Variants in GARNL3 observed in about 807,000 individuals in gnomAD.
The protein encoded by GARNL3 is GTPase activating Rap/RanGAP domain like 3.
GARNL3 carries 63 observed loss-of-function variants against 125.0 expected under a neutral mutation model. The ratio of observed to expected loss-of-function variants is 0.50; its 90% CI spans 0.41 to 0.62. The LOEUF is 0.62. Ranked by LOEUF, GARNL3 falls within the 20% of genes least tolerant of loss-of-function variation. The pLI is 0.00. For missense variants in GARNL3, 994 were observed against 1,244.0 expected (o/e 0.80, Z 3.02); for synonymous variants, 439 against 457.5 (o/e 0.96, Z 0.52).
Position 127,344,316 on chromosome 9 carries a change from G to C in GARNL3, c.1333G>C (p.Ala445Pro). Reference sequence around the variant, plus strand: ...GCGGAAGAAAGAGGAGGCCCGCCAGGCGGAGTTTGTTAGAATAGGGCAGGT... The same window carrying C: ...GCGGAAGAAAGAGGAGGCCCGCCAGCCGGAGTTTGTTAGAATAGGGCAGGT... ...SARKKEEARQ[A>P]EFVRIGQALK... is the part of the protein sequence containing the mutation. The change falls in exon 15 of 28, where the codon GCG becomes CCG. Residue 445 changes from alanine to proline, a missense_variant. Around this residue, in one of 5 missense-constraint regions of GARNL3, gnomAD observed 728 missense variants for 865.7 expected, o/e 0.84. Transcript: ENST00000373387. The C allele has an allele frequency of 1.9e-6, 3 of 1,613,860 alleles. No homozygotes were observed. The highest frequency in any genetic ancestry group is 2.5e-6 in the Non-Finnish European group (3 of 1,179,712).
chr9:127,264,392 C>A, upstream of GARNL3: 1 of 434,868 alleles, frequency 2.3e-6, no homozygotes, highest in Non-Finnish European at 3.1e-6. Flanking sequence ...TCTGTTAGTT[C>A]TGGTCTTTTT....
chr9:127,368,172 T>C (rs1157223949), intron 22 of GARNL3, among the ~76,000 whole-genome samples: 2 of 150,132 alleles, frequency 1.3e-5, no homozygotes, highest in African/African-American at 4.9e-5. Context: ...ATCCACAAGG[T>C]TGAAGAGGAG....
chr9:127,330,304 G>A (rs766459349), intron 7 of GARNL3, among the ~76,000 whole-genome samples: 10 of 152,170 alleles, frequency 6.6e-5, no homozygotes, highest in Non-Finnish European at 1.5e-4. Flanking sequence ...CGAAAACAGA[G>A]AAAGAAAAGT....
intron 1 of GARNL3, among the ~76,000 whole-genome samples, chr9:127,232,840 C>T (rs944074834): frequency 3.9e-5 from 6 of 152,098 alleles, no homozygotes; most frequent in Admixed American, 6.5e-5. Flanking sequence ...CTTTCCTCAT[C>T]GAGGCAAAGA....
rs1015030472 is a variant in GARNL3 at position 127,384,560 on chromosome 9, G to A, written c.2270-467G>A. Among the ~76,000 whole-genome samples the A allele has an allele frequency of 6.6e-6, 1 of 151,912 alleles. No homozygotes were observed. On this transcript the variant is annotated intron_variant, in intron 23 of 27. Transcript: ENST00000373387. This position sits in a 1 kb window ranked among gnomAD's most constrained non-coding sequence, Gnocchi z 4.0. ...AATAAGATGCAGCCCCGGCTCAGACGTGCAGCTGGAGGAGCACATGGGAGG... is the reference window on the plus strand; with the variant it reads ...AATAAGATGCAGCCCCGGCTCAGACATGCAGCTGGAGGAGCACATGGGAGG...
chr9:127,319,769 C>T (rs1334599166), intron 5 of GARNL3, among the ~76,000 whole-genome samples: 2 of 152,074 alleles, frequency 1.3e-5, no homozygotes, highest in Non-Finnish European at 2.9e-5. Flanking sequence ...ATTCTTTTTT[C>T]TAAAAAGAAG....
chr9:127,317,324 T>G (rs2065267136), intron 4 of GARNL3, among the ~76,000 whole-genome samples: 1 of 152,218 alleles, frequency 6.6e-6, no homozygotes. Flanking sequence ...TCAGGGGATT[T>G]CTAGTTCAAA....
At chr9:127,281,027 A>G (rs1197676589) in intron 1 of GARNL3, among the ~76,000 whole-genome samples, 1 of 152,160 alleles carries the variant, frequency 6.6e-6, no homozygotes, top group Non-Finnish European at 1.5e-5. Context: ...GAACACAGAA[A>G]AAGAGTGAGA....
intron 19 of GARNL3, among the ~76,000 whole-genome samples, chr9:127,354,814 CAG>C (rs1830601461): frequency 6.6e-6 from 1 of 152,138 alleles, no homozygotes. Context: ...TTCCTTTCGG[CAG>C]AGTCTCACTC....
At chr9:127,245,525 G>C (rs2131181897) in intron 2 of GARNL3, 1 of 152,356 alleles carries the variant, frequency 6.6e-6, no homozygotes, top group Middle Eastern at 3.4e-3. Flanking sequence ...AATGGGTGGA[G>C]TCAGGCCTTG....
At chr9:127,383,048 C>T (rs1162736435) in intron 22 of GARNL3, among the ~76,000 whole-genome samples, 2 of 152,170 alleles carry the variant, frequency 1.3e-5, no homozygotes, top group Admixed American at 1.3e-4. Context: ...GTGTTCAAAC[C>T]CTGCTTCCCC....
chr9:127,302,979 G>A lies in GARNL3; in HGVS notation c.220-8657G>A, dbSNP rs192161079. Among the ~76,000 whole-genome samples the A allele has an allele frequency of 4.5e-4, 69 of 152,132 alleles. 1 individual carries two copies. The East Asian group carries it at 8.1e-3, about 18-fold the overall frequency. On this transcript the variant is annotated intron_variant, in intron 2 of 27. Transcript: ENST00000373387. ...ATCCTGGCTAACATGGTGAAACCCC[G>A]TCTCAACTAAAAATAGAAAAAATTA...
At chr9:127,232,888 C>T (rs1345337407) in intron 1 of GARNL3, among the ~76,000 whole-genome samples, 1 of 152,070 alleles carries the variant, frequency 6.6e-6, no homozygotes, top group East Asian at 1.9e-4. Flanking sequence ...ATGTAGGATC[C>T]CAGCAGAAAT....
At chr9:127,337,283 A>G (rs1438597287) in intron 11 of GARNL3, among the ~76,000 whole-genome samples, 1 of 152,084 alleles carries the variant, frequency 6.6e-6, no homozygotes, top group Non-Finnish European at 1.5e-5. Context: ...CTCCAAATTC[A>G]CAGTAGAAGC....
At chr9:127,230,150 G>A (rs979903867) in intron 1 of GARNL3, among the ~76,000 whole-genome samples, 4 of 152,162 alleles carry the variant, frequency 2.6e-5, no homozygotes, top group Non-Finnish European at 5.9e-5. Flanking sequence ...CAAGGGCTTT[G>A]GAGTGAGACA....
chr9:127,292,767 G>T (rs2064462708), intron 2 of GARNL3, among the ~76,000 whole-genome samples: 1 of 152,330 alleles, frequency 6.6e-6, no homozygotes, highest in South Asian at 2.1e-4. Flanking sequence ...TACACCAGAG[G>T]ATAGGTTCTG....
intron 22 of GARNL3, among the ~76,000 whole-genome samples, chr9:127,369,905 G>T (rs1348268673): frequency 2.6e-5 from 4 of 152,214 alleles, no homozygotes; most frequent in Non-Finnish European, 5.9e-5. Flanking sequence ...GCTGGAGCAA[G>T]TCCCTGCATC....
intron 2 of GARNL3, among the ~76,000 whole-genome samples, chr9:127,249,251 G>T (rs998479278): frequency 4.6e-5 from 7 of 152,154 alleles, no homozygotes; most frequent in Non-Finnish European, 1.0e-4. Context: ...CTATGACAGG[G>T]TGGAATTCTA....
At chr9:127,323,106 A>G (rs541101652) in intron 6 of GARNL3, among the ~76,000 whole-genome samples, 1 of 152,364 alleles carries the variant, frequency 6.6e-6, no homozygotes, top group East Asian at 1.9e-4. Context: ...AATCAGTGTC[A>G]GCCTCAAACT....
Sources: gnomAD v4.1 joint callset for allele counts (sites outside exome capture counted in the v4.1 genomes callset) on GRCh38, gnomAD v4.1.1 for gene constraint, gnomAD v4.1.1 regional missense constraint, Gnocchi (gnomAD v3.1) non-coding constraint, MANE v1.5 for transcripts, NCBI Gene and HGNC (gene_info 2026-07-23, HGNC 2026-07-21) for gene names.